DNAH12: variants seen among roughly 807,000 people sequenced by gnomAD.
The protein encoded by DNAH12 is axonemal beta dynein heavy chain 12.
In DNAH12, 285 loss-of-function variants were observed where a neutral mutation model predicts 371.5. That is an observed-to-expected ratio of 0.77 (90% CI 0.70 to 0.85). The LOEUF (loss-of-function observed/expected upper bound fraction) is 0.85, where lower values mean the gene tolerates loss of function less well. Among genes scored for constraint, DNAH12 ranks in the 40% least tolerant of loss-of-function variants. DNAH12 has a pLI of 0.00. For missense variants in DNAH12, 3,611 were observed against 3,689.4 expected, an observed-to-expected ratio of 0.98 and a Z score of 0.55; for synonymous variants, 1,200 against 1,213.0, an observed-to-expected ratio of 0.99 and a Z score of 0.22.
chr3:57,390,424 A>AAAAATATATATATATATATATATAT, intron 45 of DNAH12, among the ~76,000 whole-genome samples: 2 of 33,424 alleles, frequency 6.0e-5, no homozygotes, highest in Admixed American at 5.6e-4. Context: ...AAAAAAAAAA[A>AAAAATATATATATATATATATATAT]ATATATATAT....
chr3:57,453,200 A>G, intron 24 of DNAH12, 47 bp downstream of exon 24: 14 of 1,499,058 alleles, frequency 9.3e-6, no homozygotes, highest in Non-Finnish European at 9.7e-6. Flanking sequence ...TTGTTTCCAG[A>G]TGCTATCAAC....
rs188554781 is a variant in DNAH12 at position 57,446,216 on chromosome 3, G to A, written c.3994C>T (p.Arg1332Ter). The change falls in exon 27 of 74, where the codon CGA (arginine) becomes TGA (stop). Residue 1332 changes from arginine to a stop codon, truncating the protein, a stop_gained. Coordinates refer to ENST00000495027, the MANE Select transcript of DNAH12 (RefSeq NM_001366028.2). LOFTEE classifies it high-confidence loss of function. ...ACTGACAACACTTCCAACTCAATTC[G>A]ATTGAATTCATCAAAGCAAGCCCAA... ...GAWACFDEFN[R>*]IELEVLSVVA... 1.3e-6 allele frequency: 2 copies of A among 1,551,788 alleles called. No individual in the cohort carries two copies. Among genetic ancestry groups the A allele is most frequent in the South Asian group, 1.2e-5 (1 of 84,040 alleles).
chr3:57,407,181 G>A (rs2153353882), intron 40 of DNAH12, among the ~76,000 whole-genome samples: 1 of 151,360 alleles, frequency 6.6e-6, no homozygotes, highest in East Asian at 2.0e-4. Context: ...ACAGGTGTGA[G>A]TCACTGCGCC....
intron 4 of DNAH12, chr3:57,512,655 G>A (rs542133222): frequency 2.0e-5 from 3 of 152,312 alleles, no homozygotes; most frequent in South Asian, 2.1e-4. Context: ...ACAGTATGGC[G>A]ATTCTTCAAG....
At chr3:57,419,773 T>C (rs1347281673) in intron 36 of DNAH12, among the ~76,000 whole-genome samples, 1 of 152,156 alleles carries the variant, frequency 6.6e-6, no homozygotes, top group Non-Finnish European at 1.5e-5. Flanking sequence ...ACCTGAAAAA[T>C]ATAATGTAAC....
rs940996760 is a variant in DNAH12, at chr3:57,372,754, T to G, written c.8759+2617A>C. The stretch of plus-strand genomic sequence containing the variant: ...TAAAATGGAATCATAAAAAACAAAT[T>G]CAGTTAATCCAAATCCAAGAAGAAA... On this transcript the variant is annotated intron_variant, in intron 55 of 73. Transcript: ENST00000495027. Among the ~76,000 whole-genome samples, 118 of 151,362 alleles carry G rather than the reference T, an allele frequency of 7.8e-4. 3 individuals carry two copies. In the South Asian group the frequency reaches 0.024, roughly 30 times the overall value.
At chr3:57,382,022 C>T (rs945676017) in intron 50 of DNAH12, among the ~76,000 whole-genome samples, 50 of 152,176 alleles carry the variant, frequency 3.3e-4, no homozygotes, top group African/African-American at 9.9e-4. Flanking sequence ...TGCCCACCAC[C>T]GCACCTGGCT....
chr3:57,473,884 A>G (rs2066442362), intron 13 of DNAH12, among the ~76,000 whole-genome samples: 1 of 152,192 alleles, frequency 6.6e-6, no homozygotes, highest in African/African-American at 2.4e-5. Flanking sequence ...TCAACACAGT[A>G]GATGCAAAAA....
intron 71 of DNAH12, 54 bp downstream of exon 71, chr3:57,296,793 T>A (rs1028346720): frequency 6.6e-7 from 1 of 1,523,162 alleles, no homozygotes; most frequent in Non-Finnish European, 8.8e-7. Context: ...AAACTCGGTT[T>A]AAATACATGA....
At chr3:57,519,366 T>C (rs1208824663) in intron 4 of DNAH12, among the ~76,000 whole-genome samples, 1 of 152,242 alleles carries the variant, frequency 6.6e-6, no homozygotes, top group South Asian at 2.1e-4. Context: ...GGGTAAATTA[T>C]AAAGGTGATT....
Position 57,472,576 on chromosome 3 carries a change from T to A in DNAH12, c.1746A>T (p.Lys582Asn). 6.5e-7 allele frequency: 1 copy of A among 1,550,092 alleles called. No homozygotes were observed. Among genetic ancestry groups the A allele is most frequent in the Admixed American group, 2.0e-5 (1 of 50,800 alleles). ...CATTTTCATCAAAGATGGGATTAAT[T>A]TTCCTAGGCCACATGAGGACAGTTG... Reference protein sequence around the residue: ...LNATVLMWPRKINPIFDENDE... With the variant: ...LNATVLMWPRNINPIFDENDE... Residue 582 changes from lysine to asparagine, a missense_variant, in exon 14 of 74, where the codon AAA (lysine) becomes AAT (asparagine). Coordinates refer to ENST00000495027, the MANE Select transcript of DNAH12 (RefSeq NM_001366028.2).
chr3:57,413,840 T>C lies in DNAH12; in HGVS notation c.5926A>G (p.Ile1976Val). 1 of 1,551,242 alleles carries C rather than the reference T, an allele frequency of 6.4e-7. No individual in the cohort carries two copies. Among genetic ancestry groups the C allele is most frequent in the Non-Finnish European group, 8.7e-7 (1 of 1,146,744 alleles). ...GGCATATTCATATCATCTATAAAAATTATACACTTCTTTCCCATAGGTGGT... is the reference window on the plus strand; with the variant it reads ...GGCATATTCATATCATCTATAAAAACTATACACTTCTTTCCCATAGGTGGT... ...FGPPMGKKCI[I>V]FIDDMNMPAL... The change falls in exon 39 of 74, where the codon ATT becomes GTT. Residue 1976 changes from isoleucine to valine, a missense_variant. Coordinates refer to ENST00000495027, the MANE Select transcript of DNAH12 (RefSeq NM_001366028.2).
intron 36 of DNAH12, among the ~76,000 whole-genome samples, chr3:57,420,648 G>GC (rs35770661): frequency 0.32 from 47,985 of 151,708 alleles, 8,123 homozygotes; most frequent in South Asian, 0.44. Flanking sequence ...AGTGGCTCAC[G>GC]CCTGTAATCC....
intron 66 of DNAH12, among the ~76,000 whole-genome samples, chr3:57,314,148 T>C (rs2061638111): frequency 1.3e-5 from 2 of 152,152 alleles, no homozygotes; most frequent in Non-Finnish European, 2.9e-5. Context: ...TGGGGACATA[T>C]GTTAAGCCAA....
intron 2 of DNAH12, among the ~76,000 whole-genome samples, chr3:57,538,779 CCCTATAGCTTTAAAAATCATCTACATGCT>C (rs1220567111): frequency 2.6e-5 from 4 of 152,178 alleles, no homozygotes; most frequent in Non-Finnish European, 5.9e-5. Flanking sequence ...TCCAACAATT[CCCTATAGCTTTAAAAATCATCTACATGCT>C]GGTGACTCCC....
intron 65 of DNAH12, among the ~76,000 whole-genome samples, chr3:57,316,510 A>T (rs573600041): frequency 6.6e-6 from 1 of 152,256 alleles, no homozygotes; most frequent in South Asian, 2.1e-4. Flanking sequence ...ACACAAATGG[A>T]AAGAGTCAGA....
At chr3:57,390,424 A>AAAAAATATATATATATATAT in intron 45 of DNAH12, among the ~76,000 whole-genome samples, 2 of 33,440 alleles carry the variant, frequency 6.0e-5, no homozygotes, top group Admixed American at 1.1e-3. Flanking sequence ...AAAAAAAAAA[A>AAAAAATATATATATATATAT]ATATATATAT....
rs1225517310 is a variant in DNAH12 at position 57,459,617 on chromosome 3, A to G, written c.2906T>C (p.Met969Thr). ...QTVDRHWRDI[M>T]KFCAKDPKVL... ...CTTTGGATCTTTAGCACAAAACTTC[A>G]TGATATCTCTCCAGTGTCTGTCTAC... The change falls in exon 20 of 74, where the codon ATG (methionine) becomes ACG (threonine). Residue 969 changes from methionine (M) to threonine (T), a missense_variant. Physicochemically the swap from Met to Thr is moderately conservative, Grantham distance 81. Transcript: ENST00000495027. 2 of 1,513,394 alleles carry G rather than the reference A, an allele frequency of 1.3e-6. No homozygotes were observed. The highest frequency in any genetic ancestry group is 5.0e-5 in the East Asian group (2 of 40,112). 93.7% of individuals were successfully genotyped at this position (1,513,394 alleles called of 1,614,324 possible).
chr3:57,551,417 A>AC, the DNAH12 span, among the ~76,000 whole-genome samples: 255 of 151,558 alleles, frequency 1.7e-3, no homozygotes, highest in African/African-American at 6.0e-3. Context: ...GACTACAGGC[A>AC]CCCACGACCA....
Sources: gnomAD v4.1 joint callset for allele counts (sites outside exome capture counted in the v4.1 genomes callset) on GRCh38, gnomAD v4.1.1 for gene constraint, MANE v1.5 for transcripts, NCBI Gene and HGNC (gene_info 2026-07-23, HGNC 2026-07-21) for gene names.